Variants in TCF4 observed in about 807,000 individuals in gnomAD.
The protein encoded by TCF4 is transcription factor 4, also known as SL3-3 enhancer factor 2.
In TCF4, 3 loss-of-function variants were observed where a neutral mutation model predicts 82.1. The observed-to-expected ratio is 0.04, with a 90% confidence interval of 0.02 to 0.09. TCF4 has a LOEUF of 0.09. Among genes scored for constraint, TCF4 ranks in the 10% least tolerant of loss-of-function variants. The probability of loss-of-function intolerance (pLI) is 1.00; values close to 1 mark genes in which losing one functional copy is unlikely to be tolerated. For missense variants in TCF4, 518 were observed against 852.7 expected (o/e 0.61, Z 4.89); for synonymous variants, 276 against 309.6 (o/e 0.89, Z 1.14).
intron 2 of TCF4, among the ~76,000 whole-genome samples, chr18:55,622,702 G>A (rs575631567): frequency 1.9e-4 from 29 of 152,116 alleles, no homozygotes; most frequent in African/African-American, 6.7e-4. Context: ...ATGAAACTGG[G>A]TCTCCAGATT....
At position 55,548,270 on chromosome 18, in the gene TCF4, C is replaced by G. The variant is rs1603621028; in HGVS notation, c.145+37010G>C. 2.6e-5 allele frequency among the ~76,000 whole-genome samples: 4 copies of G among 152,304 alleles called. No individual in the cohort carries two copies. The East Asian group carries it at 7.7e-4, about 29-fold the overall frequency. ...CACACTCCATCTAGGTGGTAATCTTCACTTAGGTGGTAATCTCCTAGCTGT... is the reference window on the plus strand; with the variant it reads ...CACACTCCATCTAGGTGGTAATCTTGACTTAGGTGGTAATCTCCTAGCTGT... On this transcript the variant is annotated intron_variant, in intron 3 of 19. Transcript: ENST00000354452.
In TCF4 at chr18:55,526,054, T is replaced by C. The variant is rs183931843; in HGVS notation, c.145+59226A>G. On this transcript the variant is annotated intron_variant, in intron 3 of 19. Coordinates refer to ENST00000354452, the MANE Select transcript of TCF4 (RefSeq NM_001083962.2). ...ACATCAGGCATCAGGTAGCCACTTA[T>C]AACATTTCAGACATCCTTATCAACT... 1.1e-3 allele frequency among the ~76,000 whole-genome samples: 160 copies of C among 152,306 alleles called. 1 individual carries two copies. The highest frequency in any genetic ancestry group is 3.7e-3 in the African/African-American group (152 of 41,576).
chr18:55,589,455 G>A (rs768530417), upstream of TCF4: 1 of 1,055,392 alleles, frequency 9.5e-7, no homozygotes, highest in Non-Finnish European at 1.1e-6. Flanking sequence ...CAGATTACAA[G>A]ATTATGCACC....
chr18:55,529,548 A>AT (rs1226073285), intron 3 of TCF4, among the ~76,000 whole-genome samples: 7 of 152,044 alleles, frequency 4.6e-5, no homozygotes, highest in Non-Finnish European at 1.0e-4. Context: ...TATGCCTCCA[A>AT]TTTTTTTTAA....
At chr18:55,393,226 T>C (rs541642728) in intron 6 of TCF4, among the ~76,000 whole-genome samples, 59 of 152,238 alleles carry the variant, frequency 3.9e-4, no homozygotes, top group African/African-American at 1.3e-3. Context: ...TAACCAGCCA[T>C]GGTGGTATAT....
intron 6 of TCF4, 64 bp from the exon 7 acceptor site, chr18:55,351,067 C>A: frequency 6.2e-7 from 1 of 1,600,724 alleles, no homozygotes; most frequent in Non-Finnish European, 8.6e-7. Flanking sequence ...CACCTCCCAA[C>A]TGATTGTTAG....
chr18:55,295,927 A>G (rs2066384511), intron 8 of TCF4, among the ~76,000 whole-genome samples: 1 of 151,968 alleles, frequency 6.6e-6, no homozygotes, highest in African/African-American at 2.4e-5. Context: ...CACCCCAATC[A>G]ATGCATTATC....
chr18:55,339,728 G>A (rs1170326623), intron 8 of TCF4, among the ~76,000 whole-genome samples: 2 of 152,148 alleles, frequency 1.3e-5, no homozygotes, highest in Non-Finnish European at 2.9e-5. Flanking sequence ...TGCAAGAAGA[G>A]TTAACTAAAT....
intron 3 of TCF4, among the ~76,000 whole-genome samples, chr18:55,553,706 G>A (rs1258853154): frequency 6.6e-6 from 1 of 152,152 alleles, no homozygotes; most frequent in East Asian, 1.9e-4. Context: ...AACATTCAAG[G>A]ATTTGGGTGT....
intron 5 of TCF4, among the ~76,000 whole-genome samples, chr18:55,437,662 G>A (rs1208753059): frequency 6.6e-5 from 10 of 151,934 alleles, no homozygotes; most frequent in Non-Finnish European, 1.3e-4. Context: ...TTAAATAACA[G>A]AAGCCTAGAT....
intron 6 of TCF4, among the ~76,000 whole-genome samples, chr18:55,362,114 T>G (rs1161371820): frequency 1.3e-5 from 2 of 151,968 alleles, no homozygotes; most frequent in South Asian, 2.1e-4. Context: ...CTGTCTTATC[T>G]CCAATGACTG....
rs770914834 is a variant in TCF4, at chr18:55,257,339, A to G, written c.1122T>C (p.Asn374=). 5 of 1,613,760 alleles carry G rather than the reference A, an allele frequency of 3.1e-6. No homozygotes were observed. The South Asian group carries it at 4.4e-5, about 14-fold the overall frequency. The change falls in exon 14 of 20, where the codon AAT becomes AAC. Residue 374 remains asparagine (N), a synonymous_variant. Coordinates refer to ENST00000354452, the MANE Select transcript of TCF4 (RefSeq NM_001083962.2). The part of the protein sequence containing the change: ...RNGGQASSSP[N]YEGPLHSLQS... ...CCAAAGAGTGTAAGGGTCCTTCATAATTAGGAGACGATGAGGCCTGTCCTC... is the reference window on the plus strand; with the variant it reads ...CCAAAGAGTGTAAGGGTCCTTCATAGTTAGGAGACGATGAGGCCTGTCCTC...
chr18:55,510,531 T>C lies in TCF4; in HGVS notation c.146-46394A>G, dbSNP rs994918647. The C allele has an allele frequency of 9.5e-6, 13 of 1,364,614 alleles. No homozygotes were observed. In the African/African-American group the frequency reaches 1.5e-4, roughly 15 times the overall value. The allele number at this position is 1,364,614 out of a possible 1,614,324, so 84.5% of individuals were successfully genotyped here. ...GATACAGAAGTCGATAGATCAAACATTTTAATCAAGAGTAAGCTTTTAAAA... is the reference window on the plus strand; with the variant it reads ...GATACAGAAGTCGATAGATCAAACACTTTAATCAAGAGTAAGCTTTTAAAA... On this transcript the variant is annotated intron_variant, in intron 3 of 19. Transcript: ENST00000354452.
Position 55,588,189 on chromosome 18 carries a change from C to G in TCF4, c.-172G>C. The G allele has an allele frequency of 8.4e-7, 1 of 1,197,168 alleles. No homozygotes were observed. The highest frequency in any genetic ancestry group is 1.0e-6 in the Non-Finnish European group (1 of 967,836). The allele number at this position is 1,197,168 out of a possible 1,614,324, so 74.2% of individuals were successfully genotyped here. A position where few individuals can be genotyped will look rare whatever the true frequency, so the allele number is the denominator to read the frequency against. On this transcript the variant is annotated 5_prime_UTR_variant, in exon 1 of 20. Transcript: ENST00000354452. ...CGCCGCCGCCGCCGCCACTACAGAT[C>G]CGCAGACACACAGCCAAGATCCCTG...
At chr18:55,483,389 C>T (rs1223525179) in intron 3 of TCF4, among the ~76,000 whole-genome samples, 1 of 152,184 alleles carries the variant, frequency 6.6e-6, no homozygotes, top group African/African-American at 2.4e-5. Context: ...ATTCGTTTCA[C>T]AAATATGCAA....
At chr18:55,321,827 T>C in intron 8 of TCF4, 1 of 1,498,790 alleles carries the variant, frequency 6.7e-7, no homozygotes, top group Non-Finnish European at 8.9e-7. Context: ...TTCCTTCAGT[T>C]GCATTTTCCC....
intron 15 of TCF4, among the ~76,000 whole-genome samples, chr18:55,250,762 G>C (rs1211393988): frequency 6.6e-6 from 1 of 152,186 alleles, no homozygotes; most frequent in African/African-American, 2.4e-5. Flanking sequence ...GTCGGGGGGA[G>C]AGAGACAAAA....
intron 5 of TCF4, among the ~76,000 whole-genome samples, chr18:55,427,126 C>T (rs536521045): frequency 2.0e-5 from 3 of 152,210 alleles, no homozygotes; most frequent in African/African-American, 7.2e-5. Context: ...CATCAAAAAC[C>T]CCAAATCCAA....
intron 5 of TCF4, among the ~76,000 whole-genome samples, chr18:55,454,322 C>T (rs1272505932): frequency 6.6e-6 from 1 of 152,116 alleles, no homozygotes; most frequent in East Asian, 1.9e-4. Context: ...ATGTGAATTT[C>T]TATATGACTG....
Sources: allele counts gnomAD v4.1 joint callset (sites outside exome capture counted in the v4.1 genomes callset), GRCh38; gene constraint gnomAD v4.1.1; transcripts MANE v1.5; gene names NCBI Gene and HGNC (gene_info 2026-07-23, HGNC 2026-07-21).